Variants in PITPNA observed in about 807,000 individuals in gnomAD.
The protein encoded by PITPNA is phosphatidylinositol transfer protein alpha isoform.
PITPNA carries 13 observed loss-of-function variants against 50.3 expected under a neutral mutation model. The observed-to-expected ratio is 0.26, with a 90% CI of 0.17 to 0.41. The LOEUF (loss-of-function observed/expected upper bound fraction) is 0.41. PITPNA is among the 10% of genes least tolerant of loss of function. PITPNA has a pLI of 1.00. For missense variants in PITPNA, 207 were observed against 333.4 expected, an observed-to-expected ratio of 0.62 and a Z score of 2.95; for synonymous variants, 120 against 119.6, an observed-to-expected ratio of 1.00 and a Z score of -0.02.
intron 6 of PITPNA, among the ~76,000 whole-genome samples, chr17:1,539,706 G>A (rs2075638732): frequency 6.6e-6 from 1 of 152,232 alleles, no homozygotes; most frequent in African/African-American, 2.4e-5. Context: ...CTGAGGAGCT[G>A]GGACTATAGG....
chr17:1,540,377 C>A (rs1315007652), intron 6 of PITPNA, among the ~76,000 whole-genome samples: 1 of 152,144 alleles, frequency 6.6e-6, no homozygotes, highest in Non-Finnish European at 1.5e-5. Flanking sequence ...TAACAGCCAC[C>A]TCTAAGAGAT....
At chr17:1,548,436 G>C (rs768608970) in intron 3 of PITPNA, 49 bp from the exon 4 acceptor site, 13 of 1,296,240 alleles carry the variant, frequency 1.0e-5, no homozygotes, top group Non-Finnish European at 1.4e-5. Flanking sequence ...AGAGAGAAAG[G>C]AGACAAGAGG....
chr17:1,560,262 C>A (rs1279518789), intron 1 of PITPNA, among the ~76,000 whole-genome samples: 3 of 152,230 alleles, frequency 2.0e-5, no homozygotes, highest in African/African-American at 7.2e-5. Context: ...CAATAGGGTA[C>A]AATTCCAAAG....
intron 1 of PITPNA, among the ~76,000 whole-genome samples, chr17:1,560,193 G>A (rs2075760946): frequency 6.6e-6 from 1 of 152,220 alleles, no homozygotes; most frequent in Admixed American, 6.5e-5. Flanking sequence ...CTGCTGACGT[G>A]ACGGCTGCAC....
rs1434827488 is a variant in PITPNA at position 1,520,181 on chromosome 17, A to G, written c.*380T>C. ...CAAGGTTGAGAACAAATGAACTTAAATCATTTAAATCACCACATCACAAAA... is the reference window on the plus strand; with the variant it reads ...CAAGGTTGAGAACAAATGAACTTAAGTCATTTAAATCACCACATCACAAAA... On this transcript the variant is annotated 3_prime_UTR_variant, in exon 12 of 12. Coordinates refer to ENST00000313486, the MANE Select transcript of PITPNA (RefSeq NM_006224.4). The G allele has an allele frequency of 6.6e-6, 1 of 152,300 alleles. No homozygotes were observed. 9.4% of individuals were successfully genotyped at this position (152,300 alleles called of 1,614,324 possible).
At chr17:1,550,474 T>C (rs2075702458) in intron 3 of PITPNA, among the ~76,000 whole-genome samples, 1 of 151,670 alleles carries the variant, frequency 6.6e-6, no homozygotes, top group Admixed American at 6.6e-5. Flanking sequence ...GAGTAACCGG[T>C]GCAGGTACAA....
At position 1,524,901 on chromosome 17, in the gene PITPNA, C is replaced by T. The variant is rs369810662; in HGVS notation, c.769-3256G>A. On this transcript the variant is annotated intron_variant, in intron 10 of 11. Coordinates refer to ENST00000313486, the MANE Select transcript of PITPNA (RefSeq NM_006224.4). Reference sequence around the variant, plus strand: ...GTACTTAGCAGAGCAGAGTGCCTGACGTGGAGTATGCACTGAGTATTCGGG... The same window carrying T: ...GTACTTAGCAGAGCAGAGTGCCTGATGTGGAGTATGCACTGAGTATTCGGG... 5.9e-5 allele frequency among the ~76,000 whole-genome samples: 9 copies of T among 152,122 alleles called. No homozygotes were observed. The East Asian group carries it at 9.7e-4, about 16-fold the overall frequency.
At chr17:1,534,994 AGT>A (rs2075606795) in intron 9 of PITPNA, among the ~76,000 whole-genome samples, 186 bp downstream of exon 9, 1 of 152,082 alleles carries the variant, frequency 6.6e-6, no homozygotes, top group Admixed American at 6.6e-5. Flanking sequence ...ACACACACGC[AGT>A]CACTGGGAAG....
intron 5 of PITPNA, among the ~76,000 whole-genome samples, chr17:1,542,752 C>T (rs573512411): frequency 3.3e-5 from 5 of 152,340 alleles, no homozygotes; most frequent in Admixed American, 3.3e-4. Flanking sequence ...AAAGGTGTGA[C>T]CTGGGGAGGC....
At chr17:1,548,114 TGAC>T (rs1306287478) in intron 4 of PITPNA, among the ~76,000 whole-genome samples, 179 bp downstream of exon 4, 1 of 152,262 alleles carries the variant, frequency 6.6e-6, no homozygotes, top group Admixed American at 6.5e-5. Flanking sequence ...TCTCAGGCCG[TGAC>T]GACCGGTGCT....
intron 10 of PITPNA, among the ~76,000 whole-genome samples, chr17:1,523,601 G>A (rs1019639855): frequency 1.5e-4 from 22 of 146,474 alleles, no homozygotes; most frequent in African/African-American, 4.0e-4. Flanking sequence ...TCTGCCTCCC[G>A]GGTTCAAGCA....
At position 1,519,165 on chromosome 17, in the gene PITPNA, C is replaced by G. The variant is rs878960740; in HGVS notation, c.*1396G>C. Reference sequence around the variant, plus strand: ...CAAAAACAGGATACATTCTCCCACCCACTTCTTGCTTCCCGGACAAAGATT... The same window carrying G: ...CAAAAACAGGATACATTCTCCCACCGACTTCTTGCTTCCCGGACAAAGATT... On this transcript the variant is annotated 3_prime_UTR_variant, in exon 12 of 12. Transcript: ENST00000313486. The G allele has an allele frequency of 1.3e-5, 2 of 152,662 alleles. No individual in the cohort carries two copies. The highest frequency in any genetic ancestry group is 4.1e-4 in the South Asian group (2 of 4,826). 9.5% of individuals were successfully genotyped at this position (152,662 alleles called of 1,614,324 possible).
At chr17:1,560,367 GGCCACAGCCA>G (rs1331886533) in intron 1 of PITPNA, among the ~76,000 whole-genome samples, 2 of 148,858 alleles carry the variant, frequency 1.3e-5, no homozygotes, top group Non-Finnish European at 3.0e-5. Context: ...GCAACGCTGC[GGCCACAGCCA>G]GTGTCTCGGA....
At chr17:1,529,684 G>C (rs889753585) in intron 10 of PITPNA, among the ~76,000 whole-genome samples, 1 of 151,324 alleles carries the variant, frequency 6.6e-6, no homozygotes, top group Non-Finnish European at 1.5e-5. Context: ...GGGAAACCCT[G>C]TCTCTACTAA....
In PITPNA at chr17:1,535,525, G is replaced by T. The variant is rs766037511; in HGVS notation, c.457-7C>A. The T allele has an allele frequency of 1.2e-6, 2 of 1,602,108 alleles. No individual in the cohort carries two copies. The highest frequency in any genetic ancestry group is 1.7e-5 in the Admixed American group (1 of 59,998). ...CTTCCTCTGCCTTGTAATCCTGAGA[G>T]AAATTGTGGAATTGGGGTTGGAGGG... On this transcript the variant is annotated splice_polypyrimidine_tract_variant and splice_region_variant and intron_variant, in intron 7 of 11. Transcript: ENST00000313486.
intron 3 of PITPNA, among the ~76,000 whole-genome samples, chr17:1,551,397 T>A (rs188181119): frequency 1.1e-4 from 16 of 151,922 alleles, no homozygotes; most frequent in African/African-American, 3.9e-4. Context: ...GCTCGGGTGA[T>A]CCTTCCACCT....
At chr17:1,525,928 C>G (rs1243353848) in intron 10 of PITPNA, among the ~76,000 whole-genome samples, 1 of 152,172 alleles carries the variant, frequency 6.6e-6, no homozygotes, top group Non-Finnish European at 1.5e-5. Context: ...ATGTACAAGT[C>G]CCCTAGCTCT....
intron 10 of PITPNA, among the ~76,000 whole-genome samples, chr17:1,530,648 T>C (rs777263890): frequency 1.3e-5 from 2 of 152,166 alleles, no homozygotes; most frequent in Non-Finnish European, 2.9e-5. Context: ...TCACGGTGCA[T>C]GGAAGACAGG....
chr17:1,552,152 T>C (rs2075713060), intron 3 of PITPNA, among the ~76,000 whole-genome samples: 1 of 152,278 alleles, frequency 6.6e-6, no homozygotes, highest in Admixed American at 6.5e-5. Context: ...GAAATTAAGA[T>C]CCAGCTTTCA....
Sources: allele counts gnomAD v4.1 joint callset (sites outside exome capture counted in the v4.1 genomes callset), GRCh38; gene constraint gnomAD v4.1.1; transcripts MANE v1.5; gene names NCBI Gene and HGNC (gene_info 2026-07-23, HGNC 2026-07-21).